Variants in ADAMTS17 observed in about 807,000 individuals in gnomAD.
The protein encoded by ADAMTS17 is A disintegrin and metalloproteinase with thrombospondin motifs 17.
A neutral mutation model predicts 141.5 loss-of-function variants in ADAMTS17; 113 were observed. That is an observed-to-expected ratio of 0.80 (90% CI 0.69 to 0.93). ADAMTS17 has a LOEUF of 0.93. Among genes scored for constraint, ADAMTS17 ranks in the 40% least tolerant of loss-of-function variants. The pLI is 0.00. For synonymous variants in ADAMTS17, 768 were observed against 630.6 expected, an observed-to-expected ratio of 1.22 and a Z score of -3.27; for missense variants, 1,659 against 1,517.9, an observed-to-expected ratio of 1.09 and a Z score of -1.54.
intron 4 of ADAMTS17, among the ~76,000 whole-genome samples, chr15:100,274,807 T>C (rs1187873377): frequency 1.3e-5 from 2 of 152,024 alleles, no homozygotes; most frequent in Non-Finnish European, 2.9e-5. Context: ...TTTATATGTA[T>C]ACATATATTT....
intron 15 of ADAMTS17, among the ~76,000 whole-genome samples, chr15:100,065,255 TGAAAAGAATATTATATGTACTTTTAAAA>T (rs1445238650): frequency 6.6e-6 from 1 of 152,242 alleles, no homozygotes; most frequent in Non-Finnish European, 1.5e-5. Context: ...TCATTTTATG[TGAAAAGAATATTATATGTACTTTTAAAA>T]GATCAGTGAC....
chr15:100,305,431 T>C (rs2045189837), intron 3 of ADAMTS17, among the ~76,000 whole-genome samples: 1 of 152,212 alleles, frequency 6.6e-6, no homozygotes, highest in African/African-American at 2.4e-5. Flanking sequence ...TTTGCTGTAT[T>C]TACTCAAATT....
intron 15 of ADAMTS17, among the ~76,000 whole-genome samples, chr15:100,088,169 A>G (rs1277630950): frequency 6.6e-6 from 1 of 152,228 alleles, no homozygotes; most frequent in African/African-American, 2.4e-5. Flanking sequence ...ATGTACAAAA[A>G]TCACAAGCAT....
intron 8 of ADAMTS17, among the ~76,000 whole-genome samples, chr15:100,165,940 T>A (rs2039935463): frequency 6.6e-6 from 1 of 152,198 alleles, no homozygotes; most frequent in Non-Finnish European, 1.5e-5. Flanking sequence ...ATTTTATTCT[T>A]CCCTATGATT....
intron 13 of ADAMTS17, among the ~76,000 whole-genome samples, chr15:100,115,978 T>C (rs932823051): frequency 6.6e-6 from 1 of 152,154 alleles, no homozygotes; most frequent in East Asian, 1.9e-4. Flanking sequence ...TGTAACCTTA[T>C]TCCCTCTCAT....
chr15:100,083,279 C>T (rs2034873946), intron 15 of ADAMTS17, among the ~76,000 whole-genome samples: 1 of 152,168 alleles, frequency 6.6e-6, no homozygotes, highest in African/African-American at 2.4e-5. Context: ...GGGCCTCCTG[C>T]TGACCCACAG....
At chr15:100,070,015 C>G (rs1188216482) in intron 15 of ADAMTS17, among the ~76,000 whole-genome samples, 1 of 150,040 alleles carries the variant, frequency 6.7e-6, no homozygotes, top group African/African-American at 2.5e-5. Context: ...TGTGCAGAGA[C>G]ACACATAGGC....
In ADAMTS17 at chr15:100,102,477, TGAAGGGGATCTACATTTGAGGGCCGACC is replaced by T. The variant is rs1364129027; in HGVS notation, c.2017-6029_2017-6002del. Among the ~76,000 whole-genome samples the T allele has an allele frequency of 2.3e-3, 49 of 21,744 alleles. 1 individual carries two copies. The East Asian group carries it at 0.031, about 14-fold the overall frequency. 14.3% of individuals were successfully genotyped at this position (21,744 alleles called of 152,430 possible). On this transcript the variant is annotated intron_variant, in intron 14 of 21. Coordinates refer to ENST00000268070, the MANE Select transcript of ADAMTS17 (RefSeq NM_139057.4). ...AGGGGATCTACATTTGAGGGCCAAC[TGAAGGGGATCTACATTTGAGGGCCGACC>T]GAAGGGGATCTACATTTGAGGGCCG...
chr15:100,071,684 A>G (rs955779572), intron 15 of ADAMTS17, among the ~76,000 whole-genome samples: 6 of 150,502 alleles, frequency 4.0e-5, no homozygotes, highest in Non-Finnish European at 8.9e-5. Context: ...TAGATGCAGA[A>G]AAGGCCTTTG....
intron 10 of ADAMTS17, among the ~76,000 whole-genome samples, chr15:100,136,457 C>T (rs1357686399): frequency 6.6e-6 from 1 of 152,308 alleles, no homozygotes; most frequent in South Asian, 2.1e-4. Context: ...TGAACAGATG[C>T]GGTGACTACA....
chr15:100,117,999 T>A (rs1235856737), intron 12 of ADAMTS17, among the ~76,000 whole-genome samples: 2 of 152,224 alleles, frequency 1.3e-5, no homozygotes, highest in Non-Finnish European at 2.9e-5. Context: ...CCTTTGCCAT[T>A]TTCCATGTTC....
chr15:100,107,874 GA>G (rs2036503952), intron 14 of ADAMTS17, among the ~76,000 whole-genome samples: 2 of 152,276 alleles, frequency 1.3e-5, no homozygotes, highest in African/African-American at 2.4e-5. Flanking sequence ...TGCCCAAGCT[GA>G]CTAAGATGCT....
chr15:100,155,287 A>C lies in ADAMTS17; in HGVS notation c.1215T>G (p.Ser405=). The part of the protein sequence containing the change: ...LGMNHDDDHS[S]CAGRSHIMSG... The stretch of plus-strand genomic sequence containing the variant: ...ACATGATGTGGGACCTGCCAGCGCA[A>C]GATGAGTGGTCATCGTCGTGGTTCA... The change falls in exon 9 of 22, where the codon TCT becomes TCG. Residue 405 remains serine, a synonymous_variant. Transcript: ENST00000268070. The C allele has an allele frequency of 6.2e-7, 1 of 1,614,186 alleles. No individual in the cohort carries two copies. The highest frequency in any genetic ancestry group is 8.5e-7 in the Non-Finnish European group (1 of 1,180,028).
intron 13 of ADAMTS17, among the ~76,000 whole-genome samples, chr15:100,115,146 A>T (rs2037033483): frequency 6.6e-6 from 1 of 152,178 alleles, no homozygotes. Context: ...TTCGGATTCA[A>T]GGCTGCTTCT....
intron 7 of ADAMTS17, among the ~76,000 whole-genome samples, chr15:100,202,307 AT>A (rs960478771): frequency 1.4e-4 from 21 of 152,008 alleles, no homozygotes; most frequent in South Asian, 2.1e-4. Context: ...GGTGCAGATG[AT>A]TTTTTTTTAA....
At chr15:100,162,461 C>A (rs555610317) in intron 8 of ADAMTS17, among the ~76,000 whole-genome samples, 1 of 128,084 alleles carries the variant, frequency 7.8e-6, no homozygotes, top group Non-Finnish European at 1.6e-5. Context: ...TATATATGCA[C>A]ATATACACAT....
At chr15:100,297,802 C>T (rs992105660) in intron 3 of ADAMTS17, among the ~76,000 whole-genome samples, 5 of 152,146 alleles carry the variant, frequency 3.3e-5, no homozygotes, top group Admixed American at 6.6e-5. Context: ...ATCATCAGTT[C>T]CAGACGAATC....
Position 100,341,933 on chromosome 15 carries a change from G to A in ADAMTS17, c.-34C>T, listed in dbSNP as rs1055544234. The A allele has an allele frequency of 7.8e-6, 12 of 1,548,172 alleles. No homozygotes were observed. The highest frequency in any genetic ancestry group is 7.9e-6 in the Non-Finnish European group (9 of 1,146,168). ...GGACCGGCAGCCCCCCCGGACCGTG[G>A]CGGCGAAGCAGGAGCGCGCTAGGCG... On this transcript the variant is annotated 5_prime_UTR_variant, in exon 1 of 22. Coordinates refer to ENST00000268070, the MANE Select transcript of ADAMTS17 (RefSeq NM_139057.4).
intron 14 of ADAMTS17, among the ~76,000 whole-genome samples, chr15:100,098,870 G>A (rs1412963585): frequency 2.0e-5 from 3 of 152,152 alleles, no homozygotes; most frequent in Non-Finnish European, 2.9e-5. Flanking sequence ...CTCTCCCACT[G>A]GCCTCTTTCC....
Sources: gnomAD v4.1 joint callset for allele counts (sites outside exome capture counted in the v4.1 genomes callset) on GRCh38, gnomAD v4.1.1 for gene constraint, MANE v1.5 for transcripts, NCBI Gene and HGNC (gene_info 2026-07-23, HGNC 2026-07-21) for gene names.